ZNF512: variants seen among roughly 807,000 people sequenced by gnomAD.
ZNF512 encodes the protein zinc finger protein 512.
Under a neutral mutation model 77.5 loss-of-function variants are expected in ZNF512, and 25 were observed. That is an observed-to-expected ratio of 0.32 (90% CI 0.23 to 0.45). ZNF512 has a LOEUF of 0.45. Among genes scored for constraint, ZNF512 ranks in the 20% least tolerant of loss-of-function variants. The pLI is 1.00. For synonymous variants in ZNF512, 246 were observed against 239.9 expected (o/e 1.03, Z -0.24); for missense variants, 483 against 692.6 (o/e 0.70, Z 3.40).
chr2:27,586,893 T>C (rs72852132), intron 2 of ZNF512, among the ~76,000 whole-genome samples: 11,423 of 152,274 alleles, frequency 0.075, 1,470 homozygotes, highest in African/African-American at 0.26. Context: ...ATAATGATTT[T>C]GAGATGACAA....
intron 10 of ZNF512, among the ~76,000 whole-genome samples, chr2:27,610,565 T>TATATATATATATAC (rs1672601257): frequency 5.8e-5 from 2 of 34,388 alleles, no homozygotes; most frequent in African/African-American, 1.1e-4. Flanking sequence ...TATATATATA[T>TATATATATATATAC]ATATTTTTTT....
In ZNF512 at chr2:27,598,368, G is replaced by A. The variant is rs955380721; in HGVS notation, c.277+114G>A. On this transcript the variant is annotated intron_variant, in intron 3 of 13. Transcript: ENST00000355467. ...ATGGCGGCTGAGCGTGGTGGCTCAC[G>A]CCTGTAATCCCAGCACTTTGGGAGG... The A allele has an allele frequency of 1.6e-5, 18 of 1,099,830 alleles. No individual in the cohort carries two copies. In the South Asian group the frequency reaches 1.7e-4, roughly 11 times the overall value. The allele number at this position is 1,099,830 out of a possible 1,614,324, so 68.1% of individuals were successfully genotyped here.
intron 13 of ZNF512, 71 bp downstream of exon 13, chr2:27,617,642 T>C: frequency 1.3e-6 from 1 of 765,626 alleles, no homozygotes; most frequent in Non-Finnish European, 2.4e-6. Context: ...CCTATTGTTA[T>C]GGACTAAGGC....
At chr2:27,602,397 A>G (rs953341257) in intron 7 of ZNF512, 66 bp from the exon 8 acceptor site, 37 of 1,492,608 alleles carry the variant, frequency 2.5e-5, no homozygotes, top group South Asian at 8.7e-5. Context: ...CTCCTCTGAT[A>G]TTTTTTTTCC....
intron 10 of ZNF512, among the ~76,000 whole-genome samples, chr2:27,612,681 T>G (rs1672716652): frequency 6.6e-6 from 1 of 152,230 alleles, no homozygotes; most frequent in African/African-American, 2.4e-5. Flanking sequence ...ATTCTAGTAG[T>G]ATATAAAATA....
At position 27,600,071 on chromosome 2, in the gene ZNF512, A is replaced by G. The variant is rs540641237; in HGVS notation, c.457+18A>G. ...TGCAGCAGGTATGTTTTCTTTTGGA[A>G]GTTTTGAGGGATGTAGTTCTCACAC... On this transcript the variant is annotated intron_variant, in intron 5 of 13. Transcript: ENST00000355467. 1.9e-6 allele frequency: 3 copies of G among 1,612,086 alleles called. No individual in the cohort carries two copies. Among genetic ancestry groups the G allele is most frequent in the South Asian group, 2.2e-5 (2 of 90,896 alleles).
chr2:27,608,600 GATCTATTAGA>G (rs957794528), intron 10 of ZNF512, among the ~76,000 whole-genome samples: 3 of 151,996 alleles, frequency 2.0e-5, no homozygotes, highest in African/African-American at 4.8e-5. Flanking sequence ...GAAGCCCTTG[GATCTATTAGA>G]ATCTATTAGA....
intron 2 of ZNF512, among the ~76,000 whole-genome samples, chr2:27,590,299 A>G (rs1671517695): frequency 6.6e-6 from 1 of 152,190 alleles, no homozygotes; most frequent in Admixed American, 6.5e-5. Flanking sequence ...TGTCATTATG[A>G]AGTGTCTCTT....
chr2:27,612,456 T>C (rs571461466), intron 10 of ZNF512, among the ~76,000 whole-genome samples: 2 of 152,242 alleles, frequency 1.3e-5, no homozygotes, highest in South Asian at 4.2e-4. Flanking sequence ...AGAGTTAGGA[T>C]ATAAAGGCAT....
At chr2:27,602,848 T>C (rs12467476) in intron 8 of ZNF512, among the ~76,000 whole-genome samples, 36,733 of 151,926 alleles carry the variant, frequency 0.24, 5,628 homozygotes, top group East Asian at 0.49. Context: ...GCTGGGTATT[T>C]GATATTGGGA....
At chr2:27,605,882 G>A (rs1167384859) in intron 9 of ZNF512, among the ~76,000 whole-genome samples, 10 of 152,236 alleles carry the variant, frequency 6.6e-5, no homozygotes, top group Non-Finnish European at 8.8e-5. Flanking sequence ...ATAAGAAACT[G>A]CTGCATTGTT....
At position 27,617,153 on chromosome 2, in the gene ZNF512, AC is replaced by A. The variant is rs1226588055; in HGVS notation, c.1297-318del. On this transcript the variant is annotated intron_variant, in intron 12 of 13. Transcript: ENST00000355467. The stretch of plus-strand genomic sequence containing the variant: ...GGCATTTGATCATTTTGGGGGAGGA[AC>A]CAAGACAACCTGGAAGTGAAGTGAA... 8 of 219,988 alleles carry A rather than the reference AC, an allele frequency of 3.6e-5. No homozygotes were observed. The Admixed American group carries it at 4.1e-4, about 11-fold the overall frequency. The allele number at this position is 219,988 out of a possible 1,614,324, so 13.6% of individuals were successfully genotyped here.
chr2:27,589,986 T>C (rs1239403374), intron 2 of ZNF512, among the ~76,000 whole-genome samples: 1 of 152,216 alleles, frequency 6.6e-6, no homozygotes, highest in African/African-American at 2.4e-5. Flanking sequence ...AAGATCTAGC[T>C]TAATGAATGC....
chr2:27,592,964 C>A (rs575122664), intron 2 of ZNF512, among the ~76,000 whole-genome samples: 1 of 149,912 alleles, frequency 6.7e-6, no homozygotes, highest in Non-Finnish European at 1.5e-5. Flanking sequence ...GGATTACAGG[C>A]GTGAGCCACC....
At chr2:27,592,883 C>T (rs1320098485) in intron 2 of ZNF512, among the ~76,000 whole-genome samples, 4 of 150,556 alleles carry the variant, frequency 2.7e-5, no homozygotes, top group African/African-American at 9.8e-5. Context: ...CGGGGTTTCT[C>T]CATGTTGGTC....
At chr2:27,606,460 T>C (rs969863505) in intron 9 of ZNF512, among the ~76,000 whole-genome samples, 11 of 152,068 alleles carry the variant, frequency 7.2e-5, no homozygotes, top group African/African-American at 2.7e-4. Context: ...CCTCCTGGGC[T>C]CAAGTGATTC....
At position 27,584,874 on chromosome 2, in the gene ZNF512, A is replaced by G. The variant is rs150510712; in HGVS notation, c.89+1158A>G. Among the ~76,000 whole-genome samples the G allele has an allele frequency of 4.8e-3, 738 of 152,270 alleles. 4 individuals carry two copies. Among genetic ancestry groups the G allele is most frequent in the African/African-American group, 0.017 (700 of 41,554 alleles). On this transcript the variant is annotated intron_variant, in intron 2 of 13. Transcript: ENST00000355467. Reference sequence around the variant, plus strand: ...CATGGAGGACCTGTTACGGCATGCTAAAGTGTTTGGATTTTATCCTGGAAG... The same window carrying G: ...CATGGAGGACCTGTTACGGCATGCTGAAGTGTTTGGATTTTATCCTGGAAG...
At chr2:27,609,775 A>G (rs917495646) in intron 10 of ZNF512, among the ~76,000 whole-genome samples, 3 of 152,120 alleles carry the variant, frequency 2.0e-5, no homozygotes, top group Admixed American at 6.5e-5. Flanking sequence ...AGGCTGAGGC[A>G]GAAGAATCGC....
At chr2:27,610,544 G>GTGTGTGTATATATATATATATATATA (rs1413007886) in intron 10 of ZNF512, among the ~76,000 whole-genome samples, 1 of 32,654 alleles carries the variant, frequency 3.1e-5, no homozygotes, top group African/African-American at 1.5e-4. Flanking sequence ...ATATGTGTGT[G>GTGTGTGTATATATATATATATATATA]TATATATATA....
Sources: allele counts gnomAD v4.1 joint callset (sites outside exome capture counted in the v4.1 genomes callset), GRCh38; gene constraint gnomAD v4.1.1; transcripts MANE v1.5; gene names NCBI Gene and HGNC (gene_info 2026-07-23, HGNC 2026-07-21).